The following SH3RF3 variants were observed in gnomAD, a reference collection of about 807,000 sequenced individuals.
The protein encoded by SH3RF3 is SH3 domain containing ring finger 3.
A neutral mutation model predicts 66.3 loss-of-function variants in SH3RF3; 29 were observed. The ratio of observed to expected loss-of-function variants is 0.44; its 90% CI spans 0.33 to 0.60. SH3RF3 has a LOEUF of 0.60. Among genes scored for constraint, SH3RF3 ranks in the 20% least tolerant of loss-of-function variants. SH3RF3 has a pLI of 0.04. For synonymous variants in SH3RF3, 583 were observed against 532.0 expected, an observed-to-expected ratio of 1.10 and a Z score of -1.32; for missense variants, 1,194 against 1,190.9, an observed-to-expected ratio of 1.00 and a Z score of -0.04.
rs536174265 is a variant in SH3RF3 at position 109,442,391 on chromosome 2, G to C, written c.1828+5245G>C. On this transcript the variant is annotated intron_variant, in intron 7 of 9. Transcript: ENST00000309415. ...TTTAGAAAGAAGGCAGATGATACCA[G>C]ATGAAAATGAAGATCTATACAAAGG... Among the ~76,000 whole-genome samples, 4 of 151,554 alleles carry C rather than the reference G, an allele frequency of 2.6e-5. No homozygotes were observed. In the East Asian group the frequency reaches 7.7e-4, roughly 29 times the overall value.
At chr2:109,263,018 G>T (rs1452241715) in intron 1 of SH3RF3, among the ~76,000 whole-genome samples, 1 of 149,400 alleles carries the variant, frequency 6.7e-6, no homozygotes, top group Non-Finnish European at 1.5e-5. Context: ...ATTTTTTTTT[G>T]TATTTTTGGT....
At position 109,162,818 on chromosome 2, in the gene SH3RF3, T is replaced by C. The variant is rs550378398; in HGVS notation, c.573+32705T>C. On this transcript the variant is annotated intron_variant, in intron 1 of 9. Coordinates refer to ENST00000309415, the MANE Select transcript of SH3RF3 (RefSeq NM_001099289.3). The stretch of plus-strand genomic sequence containing the variant: ...AATCACCTTTTAACAATGAGAATAA[T>C]GTTTAGCCCCTTGGCTGGGTCCTTT... 3.3e-5 allele frequency among the ~76,000 whole-genome samples: 5 copies of C among 152,336 alleles called. No homozygotes were observed. In the South Asian group the frequency reaches 1.0e-3, roughly 32 times the overall value.
chr2:109,362,265 C>T (rs1329629939), intron 2 of SH3RF3, among the ~76,000 whole-genome samples: 1 of 152,160 alleles, frequency 6.6e-6, no homozygotes, highest in Non-Finnish European at 1.5e-5. Flanking sequence ...ATTACATCTT[C>T]ATTTTTATTT....
chr2:109,377,054 TG>T (rs1683405135), intron 3 of SH3RF3, among the ~76,000 whole-genome samples: 1 of 152,246 alleles, frequency 6.6e-6, no homozygotes, highest in South Asian at 2.1e-4. Context: ...TTGCTGCCTT[TG>T]GATTTGGCTT....
At chr2:109,427,768 C>T (rs527711498) in intron 5 of SH3RF3, among the ~76,000 whole-genome samples, 5 of 152,224 alleles carry the variant, frequency 3.3e-5, no homozygotes, top group Admixed American at 6.5e-5. Flanking sequence ...TGTGGGATCC[C>T]AGGAAATCAG....
chr2:109,427,631 C>T (rs1441409856), intron 5 of SH3RF3, among the ~76,000 whole-genome samples: 1 of 152,234 alleles, frequency 6.6e-6, no homozygotes, highest in Non-Finnish European at 1.5e-5. Context: ...GTCAAAGGTG[C>T]TCAGTTGGGA....
intron 1 of SH3RF3, among the ~76,000 whole-genome samples, chr2:109,323,637 G>A (rs1007599916): frequency 3.9e-5 from 6 of 152,200 alleles, no homozygotes; most frequent in African/African-American, 1.4e-4. Flanking sequence ...ATGGGGTTTT[G>A]GTGAGGTTGA....
chr2:109,339,236 C>A (rs1456483826), intron 1 of SH3RF3, among the ~76,000 whole-genome samples: 1 of 151,092 alleles, frequency 6.6e-6, no homozygotes, highest in Non-Finnish European at 1.5e-5. Flanking sequence ...ATAAGTAGAC[C>A]CTTGCAGTTT....
chr2:109,267,953 C>T (rs1282937839), intron 1 of SH3RF3, among the ~76,000 whole-genome samples: 1 of 152,012 alleles, frequency 6.6e-6, no homozygotes, highest in Non-Finnish European at 1.5e-5. Flanking sequence ...GAGGACAGAG[C>T]ACCCCAGCTC....
chr2:109,268,511 A>G (rs1005166926), intron 1 of SH3RF3, among the ~76,000 whole-genome samples: 2 of 152,176 alleles, frequency 1.3e-5, no homozygotes, highest in African/African-American at 4.8e-5. Context: ...ACCTCTGTCC[A>G]GCAGGAGCCT....
chr2:109,159,643 A>G (rs1677437968), intron 1 of SH3RF3, among the ~76,000 whole-genome samples: 1 of 152,230 alleles, frequency 6.6e-6, no homozygotes, highest in Non-Finnish European at 1.5e-5. Flanking sequence ...ACTGGGTTGC[A>G]CAGCAGGAGG....
chr2:109,251,593 G>A, intron 1 of SH3RF3: 1 of 981,160 alleles, frequency 1.0e-6, no homozygotes, highest in Admixed American at 1.7e-5. Context: ...GAACAATATT[G>A]GAATGGTGGT....
chr2:109,153,957 C>T lies in SH3RF3; in HGVS notation c.573+23844C>T, dbSNP rs76609641. On this transcript the variant is annotated intron_variant, in intron 1 of 9. Coordinates refer to ENST00000309415, the MANE Select transcript of SH3RF3 (RefSeq NM_001099289.3). ...TATAAAATTATTAAGAATTTCATTA[C>T]GTGACCACAGAGCATTAAGCCAAAT... 7.8e-3 allele frequency among the ~76,000 whole-genome samples: 1,194 copies of T among 152,304 alleles called. 13 individuals carry two copies. Among genetic ancestry groups the T allele is most frequent in the East Asian group, 0.035 (179 of 5,186 alleles).
chr2:109,409,103 G>A (rs1676523837), intron 4 of SH3RF3, among the ~76,000 whole-genome samples: 1 of 152,180 alleles, frequency 6.6e-6, no homozygotes, highest in South Asian at 2.1e-4. Flanking sequence ...AACTGGAGTC[G>A]GGTTGTGGAT....
At chr2:109,386,119 A>G (rs1453031312) in intron 3 of SH3RF3, among the ~76,000 whole-genome samples, 1 of 152,256 alleles carries the variant, frequency 6.6e-6, no homozygotes, top group Non-Finnish European at 1.5e-5. Context: ...AGGAACGTGC[A>G]TAGACCTTGA....
chr2:109,478,664 G>C (rs1678754046), intron 8 of SH3RF3, among the ~76,000 whole-genome samples: 2 of 152,090 alleles, frequency 1.3e-5, no homozygotes, highest in Admixed American at 1.3e-4. Flanking sequence ...TCCCACACTT[G>C]TTTATCAAAA....
intron 8 of SH3RF3, among the ~76,000 whole-genome samples, chr2:109,466,949 A>G (rs903174099): frequency 1.4e-5 from 2 of 140,294 alleles, no homozygotes; most frequent in African/African-American, 5.9e-5. Flanking sequence ...GTGTGTCTAT[A>G]TATCTGTGTG....
At chr2:109,217,615 C>T (rs1365044480) in intron 1 of SH3RF3, among the ~76,000 whole-genome samples, 2 of 152,238 alleles carry the variant, frequency 1.3e-5, no homozygotes, top group African/African-American at 4.8e-5. Context: ...CAGAATCAGT[C>T]CACCAGAATG....
intron 1 of SH3RF3, among the ~76,000 whole-genome samples, chr2:109,329,872 A>C (rs1484548407): frequency 6.6e-6 from 1 of 152,210 alleles, no homozygotes; most frequent in East Asian, 1.9e-4. Flanking sequence ...AAGTTATATG[A>C]ATGTGAATGG....
Sources: allele counts gnomAD v4.1 joint callset (sites outside exome capture counted in the v4.1 genomes callset), GRCh38; gene constraint gnomAD v4.1.1; transcripts MANE v1.5; gene names NCBI Gene and HGNC (gene_info 2026-07-23, HGNC 2026-07-21).